The following PCLO variants were observed in gnomAD, a reference collection of about 807,000 sequenced individuals.
The protein encoded by PCLO is piccolo presynaptic cytomatrix protein, also known as protein piccolo.
PCLO carries 82 observed loss-of-function variants against 427.5 expected under a neutral mutation model. That is an observed-to-expected ratio of 0.19 (90% CI 0.16 to 0.23). The LOEUF is 0.23. Ranked by LOEUF, PCLO falls within the 10% of genes least tolerant of loss-of-function variation. The pLI, the probability that PCLO is intolerant of heterozygous loss-of-function variation, is 1.00. For missense variants in PCLO, 6,239 were observed against 6,115.9 expected, an observed-to-expected ratio of 1.02 and a Z score of -0.67; for synonymous variants, 2,357 against 2,155.4, an observed-to-expected ratio of 1.09 and a Z score of -2.59.
chr7:83,138,180 G>C (rs144286588), intron 2 of PCLO, among the ~76,000 whole-genome samples: 3 of 152,032 alleles, frequency 2.0e-5, no homozygotes, highest in Non-Finnish European at 4.4e-5. Flanking sequence ...TACCTATTAC[G>C]TGCAAGATCT....
rs142369432 is a variant in PCLO, at chr7:82,876,696, C to T, written c.13654+2641G>A. 4.4e-4 allele frequency among the ~76,000 whole-genome samples: 67 copies of T among 151,954 alleles called. No individual in the cohort carries two copies. The East Asian group carries it at 0.012, about 26-fold the overall frequency. On this transcript the variant is annotated intron_variant, in intron 10 of 24. Coordinates refer to ENST00000333891, the MANE Select transcript of PCLO (RefSeq NM_033026.6). ...GATGTACCATATGTTAACATTATTCCCCAAAATATTTAATGTTCAGAACCA... is the reference window on the plus strand; with the variant it reads ...GATGTACCATATGTTAACATTATTCTCCAAAATATTTAATGTTCAGAACCA...
intron 6 of PCLO, among the ~76,000 whole-genome samples, chr7:82,945,288 G>A (rs1454493200): frequency 6.6e-6 from 1 of 151,922 alleles, no homozygotes; most frequent in Non-Finnish European, 1.5e-5. Context: ...AGACTGACAG[G>A]GTCTTGAAAA....
Position 83,162,421 on chromosome 7 carries a change from C to A in PCLO, c.172G>T (p.Ala58Ser). ...AGCCCCTGCGCCCTTGACATGACAG[C>A]GGCGATCTGTCTCCTCTCCTCTTCG... is the stretch of plus-strand genomic sequence containing the variant. ...LSEEERRQIAAVMSRAQGLPK... is the reference protein window; with the variant it reads ...LSEEERRQIASVMSRAQGLPK... Residue 58 changes from alanine to serine, a missense_variant, in exon 1 of 25, where the codon GCT becomes TCT. This residue lies in a region of PCLO where 4,677 missense variants were observed against 4,468.4 expected (regional missense o/e 1.05). Transcript: ENST00000333891. 3 of 1,597,030 alleles carry A rather than the reference C, an allele frequency of 1.9e-6. No individual in the cohort carries two copies. The highest frequency in any genetic ancestry group is 2.6e-6 in the Non-Finnish European group (3 of 1,171,752).
At chr7:83,032,809 G>T (rs1788704707) in intron 3 of PCLO, among the ~76,000 whole-genome samples, 1 of 152,048 alleles carries the variant, frequency 6.6e-6, no homozygotes, top group Admixed American at 6.6e-5. Flanking sequence ...TTTAATACCT[G>T]TAATACTCCA....
At chr7:83,068,388 G>A (rs1018820268) in intron 3 of PCLO, among the ~76,000 whole-genome samples, 1 of 151,636 alleles carries the variant, frequency 6.6e-6, no homozygotes, top group Non-Finnish European at 1.5e-5. Flanking sequence ...AAATATATAC[G>A]GAACTCACAC....
intron 3 of PCLO, among the ~76,000 whole-genome samples, chr7:83,025,212 T>A (rs974681785): frequency 6.6e-5 from 10 of 151,814 alleles, no homozygotes; most frequent in Admixed American, 2.0e-4. Flanking sequence ...TTGAAAAAAA[T>A]TTAGAAGAAT....
rs1375643341 is a variant in PCLO, at chr7:82,965,909, G to C, written c.3879C>G (p.Thr1293=). Residue 1293 remains threonine, a synonymous_variant, in exon 4 of 25, where the codon ACC becomes ACG. Coordinates refer to ENST00000333891, the MANE Select transcript of PCLO (RefSeq NM_033026.6). ...KTVQEGKQPQ[T]KMEGLPSGTP... ...TGCCAGATGGTAAACCTTCCATCTT[G>C]GTCTGTGGTTGTTTCCCTTCTTGCA... The C allele has an allele frequency of 3.1e-6, 5 of 1,613,740 alleles. No individual in the cohort carries two copies. In the African/African-American group the frequency reaches 5.3e-5, roughly 17 times the overall value.
At chr7:82,919,281 G>A (rs574581232) in intron 6 of PCLO, among the ~76,000 whole-genome samples, 79 of 152,028 alleles carry the variant, frequency 5.2e-4, no homozygotes, top group African/African-American at 1.8e-3. Context: ...GAAAGTTCTA[G>A]TGGGAATGAA....
In PCLO at chr7:82,847,280, G is replaced by A. The variant is rs143688031; in HGVS notation, c.13655-33C>T. On this transcript the variant is annotated intron_variant, in intron 10 of 24. Coordinates refer to ENST00000333891, the MANE Select transcript of PCLO (RefSeq NM_033026.6). ...GACAAATTTGAATATAAAATCAAAC[G>A]TGTGCTATCTCTAGTCTGGGTACAT... The A allele has an allele frequency of 5.6e-5, 68 of 1,218,980 alleles. No homozygotes were observed. The East Asian group carries it at 1.5e-3, about 28-fold the overall frequency. 75.5% of individuals were successfully genotyped at this position (1,218,980 alleles called of 1,614,324 possible).
chr7:82,824,128 C>T (rs1791868402), intron 19 of PCLO, 108 bp downstream of exon 19: 5 of 686,900 alleles, frequency 7.3e-6, no homozygotes, highest in Non-Finnish European at 9.4e-6. Flanking sequence ...ATTTTCCAGT[C>T]GTGTCTAATC....
At chr7:83,140,933 G>A (rs1405123337) in intron 2 of PCLO, among the ~76,000 whole-genome samples, 3 of 152,114 alleles carry the variant, frequency 2.0e-5, no homozygotes, top group Admixed American at 2.0e-4. Flanking sequence ...CCTTCATTCT[G>A]CATGATTGGG....
chr7:82,953,307 G>T lies in PCLO; in HGVS notation c.7646C>A (p.Ser2549Ter), dbSNP rs1279187676. The T allele has an allele frequency of 6.2e-7, 1 of 1,613,818 alleles. No individual in the cohort carries two copies. The highest frequency in any genetic ancestry group is 1.7e-5 in the Admixed American group (1 of 60,010). The change falls in exon 5 of 25, where the codon TCA (serine) becomes TAA (stop). Residue 2549 changes from serine to a stop codon, truncating the protein, a stop_gained. Transcript: ENST00000333891. LOFTEE classifies it high-confidence loss of function. ...TSSMTLNLVT[S>*]ADYKLPSPTS... ...AGGGGAAGGCAATTTATAATCTGCT[G>T]AAGTCACTAAATTTAAGGTCATACT...
Position 82,902,636 on chromosome 7 carries a change from T to A in PCLO, c.13528+15A>T, listed in dbSNP as rs773949041. ...AAAAAACAAAAAAAATATTAGATTATATGATTTGCTTTACCTGAAACTGTG... is the reference window on the plus strand; with the variant it reads ...AAAAAACAAAAAAAATATTAGATTAAATGATTTGCTTTACCTGAAACTGTG... On this transcript the variant is annotated intron_variant, in intron 9 of 24. Transcript: ENST00000333891. The A allele has an allele frequency of 2.8e-6, 4 of 1,425,968 alleles. No individual in the cohort carries two copies. The South Asian group carries it at 3.5e-5, about 13-fold the overall frequency. 88.3% of individuals were successfully genotyped at this position (1,425,968 alleles called of 1,614,324 possible). A position where few individuals can be genotyped will look rare whatever the true frequency, so the allele number is the denominator to read the frequency against.
chr7:82,809,826 C>A (rs1052552143), intron 20 of PCLO, among the ~76,000 whole-genome samples: 1 of 151,182 alleles, frequency 6.6e-6, no homozygotes, highest in Non-Finnish European at 1.5e-5. Context: ...GATAACTTTA[C>A]TCTGTCATAC....
chr7:83,091,033 A>G (rs373933452), intron 3 of PCLO, among the ~76,000 whole-genome samples: 17 of 152,112 alleles, frequency 1.1e-4, no homozygotes, highest in African/African-American at 3.9e-4. Flanking sequence ...TTTAATGAGC[A>G]TTGAAGTATG....
chr7:83,161,649 T>C (rs1792439294), intron 1 of PCLO, among the ~76,000 whole-genome samples: 1 of 152,228 alleles, frequency 6.6e-6, no homozygotes, highest in African/African-American at 2.4e-5. Flanking sequence ...TCACATGTTC[T>C]TCCCTAAACT....
At chr7:83,122,286 C>CTTTTTTTTTTT (rs71074624) in intron 3 of PCLO, among the ~76,000 whole-genome samples, 22 of 128,246 alleles carry the variant, frequency 1.7e-4, no homozygotes, top group Non-Finnish European at 2.4e-4. Flanking sequence ...CTTTTCTTTT[C>CTTTTTTTTTTT]TTTTTTTTTT....
chr7:82,760,030 G>A (rs945763455), intron 24 of PCLO, among the ~76,000 whole-genome samples: 6 of 152,068 alleles, frequency 3.9e-5, no homozygotes, highest in Non-Finnish European at 4.4e-5. Context: ...GATAGATGGC[G>A]AGAGTTGGAA....
In PCLO at chr7:82,956,850, T is replaced by A; in HGVS notation, c.4103A>T (p.Asp1368Val). Reference protein sequence around the residue: ...QGLSDTGYSSDGISSSLGEIP... With the variant: ...QGLSDTGYSSVGISSSLGEIP... ...TTCACCAAGTGAGCTTGATATTCCA[T>A]CGGAAGAATATCCCGTGTCGCTCAG... The change falls in exon 5 of 25, where the codon GAT (aspartate) becomes GTT (valine). Residue 1368 changes from aspartate (D) to valine (V), a missense_variant. This residue lies in a region of PCLO where 4,677 missense variants were observed against 4,468.4 expected (regional missense o/e 1.05). Transcript: ENST00000333891. The A allele has an allele frequency of 1.2e-6, 2 of 1,613,744 alleles. No homozygotes were observed. The highest frequency in any genetic ancestry group is 1.7e-6 in the Non-Finnish European group (2 of 1,179,682).
Sources: allele counts gnomAD v4.1 joint callset (sites outside exome capture counted in the v4.1 genomes callset), GRCh38; gene constraint gnomAD v4.1.1; regional missense constraint gnomAD v4.1.1; transcripts MANE v1.5; gene names NCBI Gene and HGNC (gene_info 2026-07-23, HGNC 2026-07-21).